The following IGSF10 variants were observed in gnomAD, a reference collection of about 807,000 sequenced individuals.
The protein encoded by IGSF10 is calvaria mechanical force protein 608.
In IGSF10, 126 loss-of-function variants were observed where a neutral mutation model predicts 128.2. The observed-to-expected ratio is 0.98, with a 90% CI of 0.85 to 1.14. The LOEUF (loss-of-function observed/expected upper bound fraction) is 1.14. Ranked by LOEUF, IGSF10 falls within the 50% of genes most tolerant of loss-of-function variation. The pLI is 0.00. For synonymous variants in IGSF10, 1,185 were observed against 1,146.2 expected, an observed-to-expected ratio of 1.03 and a Z score of -0.68; for missense variants, 3,295 against 3,149.8, an observed-to-expected ratio of 1.05 and a Z score of -1.10.
At chr3:151,580,091 G>A in the IGSF10 span, among the ~76,000 whole-genome samples, 1 of 152,000 alleles carries the variant, frequency 6.6e-6, no homozygotes, top group African/African-American at 2.4e-5. Context: ...ACCCTTAATC[G>A]CAGCACTGTG....
chr3:151,521,407 A>T, the IGSF10 span, among the ~76,000 whole-genome samples: 1 of 151,946 alleles, frequency 6.6e-6, no homozygotes, highest in Non-Finnish European at 1.5e-5. Context: ...ACAGACTATC[A>T]TGCTTCTCAT....
chr3:151,518,031 C>T, the IGSF10 span, among the ~76,000 whole-genome samples: 1 of 152,028 alleles, frequency 6.6e-6, no homozygotes, highest in Admixed American at 6.6e-5. Flanking sequence ...TGACTAATCA[C>T]TCTCTCCAAA....
At position 151,448,079 on chromosome 3, in the gene IGSF10, C is replaced by T; in HGVS notation, c.1902G>A (p.Gln634=). ...AATAACCTTGGTCTTTCGGGGTGAC[C>T]TGTAATATTCTTAATGTGCCATTGT... ...VLNNGTLRIL[Q]VTPKDQGYYR... The change falls in exon 6 of 8, where the codon CAG becomes CAA. Residue 634 remains glutamine, a synonymous_variant. Transcript: ENST00000282466. The T allele has an allele frequency of 1.9e-6, 3 of 1,614,152 alleles. No homozygotes were observed. Among genetic ancestry groups the T allele is most frequent in the Non-Finnish European group, 2.5e-6 (3 of 1,180,040 alleles).
At chr3:151,470,945 C>T in the IGSF10 span, among the ~76,000 whole-genome samples, 2 of 152,324 alleles carry the variant, frequency 1.3e-5, no homozygotes, top group Admixed American at 1.3e-4. Flanking sequence ...CTGTAATCTA[C>T]TTAACCCTGA....
the IGSF10 span, among the ~76,000 whole-genome samples, chr3:151,619,475 T>C: frequency 2.1e-5 from 3 of 141,768 alleles, no homozygotes; most frequent in Middle Eastern, 3.3e-3. Flanking sequence ...TGTGTGTGTA[T>C]GTAGTGGAAA....
chr3:151,465,274 T>C (rs1722239881), upstream of IGSF10, among the ~76,000 whole-genome samples: 1 of 152,208 alleles, frequency 6.6e-6, no homozygotes, highest in African/African-American at 2.4e-5. Flanking sequence ...AGATAAAAGT[T>C]AGAAACCTGA....
the IGSF10 span, among the ~76,000 whole-genome samples, chr3:151,533,266 C>T: frequency 6.6e-6 from 1 of 152,190 alleles, no homozygotes; most frequent in Admixed American, 6.5e-5. Flanking sequence ...GTGCTATCCC[C>T]ATCAAGCTAC....
chr3:151,587,732 G>T, the IGSF10 span, among the ~76,000 whole-genome samples: 2 of 152,180 alleles, frequency 1.3e-5, no homozygotes, highest in East Asian at 3.8e-4. Context: ...TAACCCAGTG[G>T]GAGGTGATTG....
chr3:151,575,707 C>T, the IGSF10 span, among the ~76,000 whole-genome samples: 32 of 152,306 alleles, frequency 2.1e-4, no homozygotes, highest in African/African-American at 5.1e-4. Context: ...TACCGTGCTT[C>T]GGCTCACCCT....
the IGSF10 span, among the ~76,000 whole-genome samples, chr3:151,471,713 T>C: frequency 6.6e-6 from 1 of 152,210 alleles, no homozygotes; most frequent in Non-Finnish European, 1.5e-5. Context: ...TTTTCTGCTA[T>C]CCTTTTACTA....
intron 2 of IGSF10, among the ~76,000 whole-genome samples, chr3:151,459,720 T>G (rs2108580969): frequency 6.6e-6 from 1 of 152,326 alleles, no homozygotes; most frequent in South Asian, 2.1e-4. Context: ...GCCCAGGAAT[T>G]CAAACCTAAT....
chr3:151,466,778 C>T, the IGSF10 span, among the ~76,000 whole-genome samples: 2 of 152,026 alleles, frequency 1.3e-5, no homozygotes, highest in Non-Finnish European at 1.5e-5. Flanking sequence ...AGGGTTTCAC[C>T]ATGTTGGTCA....
chr3:151,556,890 A>C, the IGSF10 span, among the ~76,000 whole-genome samples: 2 of 152,182 alleles, frequency 1.3e-5, no homozygotes, highest in Non-Finnish European at 2.9e-5. Context: ...AGTTTGGATA[A>C]CCATTTCTCT....
the IGSF10 span, among the ~76,000 whole-genome samples, chr3:151,543,973 A>G: frequency 2.6e-5 from 4 of 152,270 alleles, no homozygotes; most frequent in South Asian, 6.2e-4. Flanking sequence ...GCAGTGGCAC[A>G]ATCTTGGCTC....
chr3:151,615,619 A>G, the IGSF10 span, among the ~76,000 whole-genome samples: 1 of 152,206 alleles, frequency 6.6e-6, no homozygotes, highest in Non-Finnish European at 1.5e-5. Context: ...AATTTTAAGT[A>G]CGCTCTTTAT....
the IGSF10 span, among the ~76,000 whole-genome samples, chr3:151,477,986 T>G: frequency 1.3e-5 from 2 of 152,272 alleles, no homozygotes; most frequent in Non-Finnish European, 2.9e-5. Context: ...CTTTTGATTT[T>G]GCTTTTAATC....
chr3:151,607,388 A>G, the IGSF10 span, among the ~76,000 whole-genome samples: 1 of 152,114 alleles, frequency 6.6e-6, no homozygotes, highest in Non-Finnish European at 1.5e-5. Context: ...GGGGATAAAA[A>G]AAGTATAAAA....
chr3:151,553,973 C>CA, the IGSF10 span, among the ~76,000 whole-genome samples: 569 of 147,272 alleles, frequency 3.9e-3, 5 homozygotes, highest in Middle Eastern at 0.014. Flanking sequence ...ATAACAACAA[C>CA]AAAAAAAAAA....
downstream of IGSF10, chr3:151,434,650 T>C (rs1484631409): frequency 6.6e-6 from 1 of 152,238 alleles, no homozygotes; most frequent in South Asian, 2.1e-4. Flanking sequence ...AATGACTGCA[T>C]TGGCAAATCA....
Sources: allele counts gnomAD v4.1 joint callset (sites outside exome capture counted in the v4.1 genomes callset), GRCh38; gene constraint gnomAD v4.1.1; transcripts MANE v1.5; gene names NCBI Gene and HGNC (gene_info 2026-07-23, HGNC 2026-07-21).